The following PTPRE variants were observed in gnomAD, a reference collection of about 807,000 sequenced individuals.
The protein encoded by PTPRE is receptor-type tyrosine-protein phosphatase epsilon.
Under a neutral mutation model 102.0 loss-of-function variants are expected in PTPRE, and 51 were observed. That is an observed-to-expected ratio of 0.50 (90% CI 0.40 to 0.63). The LOEUF (loss-of-function observed/expected upper bound fraction) is 0.63, where lower values mean the gene tolerates loss of function less well. Ranked by LOEUF, PTPRE falls within the 30% of genes least tolerant of loss-of-function variation. PTPRE has a pLI of 0.00. For missense variants in PTPRE, 752 were observed against 915.1 expected (o/e 0.82, Z 2.30); for synonymous variants, 345 against 348.2 (o/e 0.99, Z 0.10).
intron 2 of PTPRE, among the ~76,000 whole-genome samples, chr10:128,009,617 G>A (rs1222969416): frequency 3.3e-5 from 5 of 152,188 alleles, no homozygotes; most frequent in African/African-American, 7.2e-5. Flanking sequence ...AGAGCTACAC[G>A]GCTGGTGGAC....
Position 128,083,003 on chromosome 10 carries a change from AT to A in PTPRE, c.*100del. ...ATAGTTGACATTAATATCTTCCCTA[AT>A]TTCTTTGTATATATTTTGTTATGCC... On this transcript the variant is annotated 3_prime_UTR_variant, in exon 21 of 21. Coordinates refer to ENST00000254667, the MANE Select transcript of PTPRE (RefSeq NM_006504.6). 8.2e-7 allele frequency: 1 copy of A among 1,214,196 alleles called. No individual in the cohort carries two copies. Among genetic ancestry groups the A allele is most frequent in the South Asian group, 1.8e-5 (1 of 54,662 alleles). 75.2% of individuals were successfully genotyped at this position (1,214,196 alleles called of 1,614,324 possible). A position where few individuals can be genotyped will look rare whatever the true frequency, so the allele number is the denominator to read the frequency against.
chr10:127,995,797 T>C (rs1470814448), intron 2 of PTPRE, among the ~76,000 whole-genome samples: 1 of 150,636 alleles, frequency 6.6e-6, no homozygotes, highest in Non-Finnish European at 1.5e-5. Flanking sequence ...TAGCATTCTG[T>C]CCATGTTTAT....
At chr10:128,046,113 G>A (rs1001014056) in intron 3 of PTPRE, among the ~76,000 whole-genome samples, 4 of 152,216 alleles carry the variant, frequency 2.6e-5, no homozygotes, top group African/African-American at 7.2e-5. Context: ...ACGATGGTGC[G>A]GACCACTCAT....
In PTPRE at chr10:128,047,491, T is replaced by A; in HGVS notation, c.209+2T>A. ...CCTTCTCGCCGCCTACTTCTTCAGG[T>A]AGGAGTGTCCCGGGGCACTGACTTG... On this transcript the variant is annotated splice_donor_variant, in intron 4 of 20. Coordinates refer to ENST00000254667, the MANE Select transcript of PTPRE (RefSeq NM_006504.6). LOFTEE classifies it high-confidence loss of function. 1 of 1,613,210 alleles carries A rather than the reference T, an allele frequency of 6.2e-7. No individual in the cohort carries two copies. The highest frequency in any genetic ancestry group is 8.5e-7 in the Non-Finnish European group (1 of 1,179,994).
chr10:127,919,920 T>C (rs969988761), intron 1 of PTPRE, among the ~76,000 whole-genome samples: 2 of 143,490 alleles, frequency 1.4e-5, no homozygotes, highest in South Asian at 4.3e-4. Context: ...TAGCAGTGGA[T>C]TTTTTTTTTT....
intron 2 of PTPRE, among the ~76,000 whole-genome samples, chr10:128,034,507 T>TAGTG (rs1245306208): frequency 6.7e-6 from 1 of 150,310 alleles, no homozygotes; most frequent in African/African-American, 2.4e-5. Flanking sequence ...CTGGGCAACA[T>TAGTG]AGTGAGACCC....
At chr10:127,947,682 G>A (rs1302838012) in intron 1 of PTPRE, among the ~76,000 whole-genome samples, 4 of 152,138 alleles carry the variant, frequency 2.6e-5, no homozygotes, top group Non-Finnish European at 4.4e-5. Context: ...ATGACCACCC[G>A]AGGGACTTGC....
intron 1 of PTPRE, among the ~76,000 whole-genome samples, chr10:127,955,233 A>T (rs1311148905): frequency 6.6e-6 from 1 of 152,178 alleles, no homozygotes; most frequent in Non-Finnish European, 1.5e-5. Flanking sequence ...AGGTTTAGGT[A>T]ACTCCAGATA....
chr10:128,012,626 C>T (rs1564882064), intron 2 of PTPRE, among the ~76,000 whole-genome samples: 2 of 152,168 alleles, frequency 1.3e-5, no homozygotes, highest in Non-Finnish European at 2.9e-5. Flanking sequence ...TAGGCATGGA[C>T]GAGGCATCAT....
intron 2 of PTPRE, among the ~76,000 whole-genome samples, chr10:127,997,293 G>A (rs756559822): frequency 1.3e-5 from 2 of 152,180 alleles, no homozygotes; most frequent in Non-Finnish European, 2.9e-5. Context: ...TAAACTCTGA[G>A]TTTGCCCACA....
At chr10:127,963,457 T>C (rs1849988292) in intron 1 of PTPRE, among the ~76,000 whole-genome samples, 1 of 152,242 alleles carries the variant, frequency 6.6e-6, no homozygotes, top group Non-Finnish European at 1.5e-5. Flanking sequence ...GGATGCATCC[T>C]GGTGTCTTCA....
chr10:128,037,039 C>G (rs937578336), intron 2 of PTPRE, among the ~76,000 whole-genome samples: 1 of 152,222 alleles, frequency 6.6e-6, no homozygotes, highest in Non-Finnish European at 1.5e-5. Flanking sequence ...TATATAAAGC[C>G]ATTATTCCCC....
chr10:127,965,052 T>G, intron 1 of PTPRE: 1 of 456,380 alleles, frequency 2.2e-6, no homozygotes, highest in Non-Finnish European at 4.4e-6. Flanking sequence ...TCAGAACCCT[T>G]TGAAGATCTT....
chr10:127,939,740 G>A (rs1848084977), intron 1 of PTPRE, among the ~76,000 whole-genome samples: 1 of 152,166 alleles, frequency 6.6e-6, no homozygotes, highest in Non-Finnish European at 1.5e-5. Flanking sequence ...GGAAGAGATA[G>A]GCTCTGGAAG....
At chr10:127,935,639 C>T (rs145012804) in intron 1 of PTPRE, among the ~76,000 whole-genome samples, 7 of 152,228 alleles carry the variant, frequency 4.6e-5, no homozygotes, top group Non-Finnish European at 7.4e-5. Flanking sequence ...ACCTCTTCTG[C>T]GGAGTACCCT....
chr10:127,910,017 C>T (rs1422310141), intron 1 of PTPRE, among the ~76,000 whole-genome samples: 2 of 152,140 alleles, frequency 1.3e-5, no homozygotes, highest in East Asian at 1.9e-4. Context: ...GGAACAGGAT[C>T]GAAGCTGCCC....
chr10:128,015,434 T>G (rs1237781950), intron 2 of PTPRE, among the ~76,000 whole-genome samples: 25 of 152,094 alleles, frequency 1.6e-4, no homozygotes, highest in Admixed American at 1.6e-3. Context: ...TGGCGTGATC[T>G]CGGCTCACTG....
At chr10:128,067,992 C>T (rs1564957856) in intron 11 of PTPRE, 131 bp from the exon 12 acceptor site, 4 of 1,042,638 alleles carry the variant, frequency 3.8e-6, no homozygotes, top group South Asian at 3.1e-5. Context: ...CAGGCAGGCC[C>T]TCTGTGGATG....
intron 2 of PTPRE, among the ~76,000 whole-genome samples, chr10:128,031,611 G>A (rs1229509604): frequency 6.6e-6 from 1 of 152,348 alleles, no homozygotes; most frequent in African/African-American, 2.4e-5. Context: ...TTCTGAGTGA[G>A]CAATGGCCTT....
Sources: allele counts gnomAD v4.1 joint callset (sites outside exome capture counted in the v4.1 genomes callset), GRCh38; gene constraint gnomAD v4.1.1; transcripts MANE v1.5; gene names NCBI Gene and HGNC (gene_info 2026-07-23, HGNC 2026-07-21).